The following ARL15 variants were observed in gnomAD, a reference collection of about 807,000 sequenced individuals.
The protein encoded by ARL15 is ARF like GTPase 15, also known as ADP-ribosylation factor-like protein 15.
A neutral mutation model predicts 25.2 loss-of-function variants in ARL15; 19 were observed. The observed-to-expected ratio is 0.75, with a 90% CI of 0.53 to 1.10. ARL15 has a LOEUF of 1.10. Among genes scored for constraint, ARL15 ranks in the 50% least tolerant of loss-of-function variants. The pLI is 0.00. For synonymous variants in ARL15, 94 were observed against 86.8 expected, an observed-to-expected ratio of 1.08 and a Z score of -0.46; for missense variants, 220 against 246.0, an observed-to-expected ratio of 0.89 and a Z score of 0.71.
intron 1 of ARL15, among the ~76,000 whole-genome samples, chr5:54,279,724 G>C (rs1170679982): frequency 1.3e-5 from 2 of 152,162 alleles, no homozygotes; most frequent in Non-Finnish European, 2.9e-5. Context: ...AGCAGGGACA[G>C]AGACTGAACA....
chr5:54,051,430 A>T (rs2111988538), intron 4 of ARL15, among the ~76,000 whole-genome samples: 1 of 152,340 alleles, frequency 6.6e-6, no homozygotes. Context: ...ATAGTTTAAC[A>T]TACTATTTGA....
At chr5:54,187,633 C>T (rs577943489) in intron 1 of ARL15, among the ~76,000 whole-genome samples, 2 of 152,292 alleles carry the variant, frequency 1.3e-5, no homozygotes, top group South Asian at 2.1e-4. Context: ...ATGTTTTGCC[C>T]TCTTAGTGTC....
intron 3 of ARL15, among the ~76,000 whole-genome samples, chr5:54,120,232 T>C (rs1336103425): frequency 6.6e-6 from 1 of 152,228 alleles, no homozygotes; most frequent in Non-Finnish European, 1.5e-5. Context: ...AGCAACTAAT[T>C]TTTATGTTTC....
chr5:54,071,120 T>C (rs970613564), intron 4 of ARL15, among the ~76,000 whole-genome samples: 3 of 151,536 alleles, frequency 2.0e-5, no homozygotes, highest in Non-Finnish European at 4.4e-5. Flanking sequence ...CAGTGAGCCA[T>C]GTTCGTGCCG....
rs145928359 is a variant in ARL15 at position 54,077,666 on chromosome 5, T to G, written c.462+35536A>C. On this transcript the variant is annotated intron_variant, in intron 4 of 4. Coordinates refer to ENST00000504924, the MANE Select transcript of ARL15 (RefSeq NM_019087.3). The stretch of plus-strand genomic sequence containing the variant: ...TAACATGCACACATAAAATCTGGAG[T>G]GTGTACAACAACAGCTAGCCTTAAT... Among the ~76,000 whole-genome samples the G allele has an allele frequency of 1.1e-4, 16 of 152,218 alleles. No homozygotes were observed. The East Asian group carries it at 2.9e-3, about 28-fold the overall frequency.
At position 53,986,853 on chromosome 5, in the gene ARL15, G is replaced by A. The variant is rs904911620; in HGVS notation, c.463-100140C>T. On this transcript the variant is annotated intron_variant, in intron 4 of 4. Coordinates refer to ENST00000504924, the MANE Select transcript of ARL15 (RefSeq NM_019087.3). ...TGAGAGTCTACAAGAGCAGGATTTCGGGAGCAAACAGAGGAACCGTCATAA... is the reference window on the plus strand; with the variant it reads ...TGAGAGTCTACAAGAGCAGGATTTCAGGAGCAAACAGAGGAACCGTCATAA... Among the ~76,000 whole-genome samples the A allele has an allele frequency of 1.3e-5, 2 of 152,266 alleles. 1 individual carries two copies. The highest frequency in any genetic ancestry group is 4.1e-4 in the South Asian group (2 of 4,824).
chr5:54,281,129 A>G (rs967173257), intron 1 of ARL15, among the ~76,000 whole-genome samples: 2 of 152,174 alleles, frequency 1.3e-5, no homozygotes, highest in African/African-American at 4.8e-5. Flanking sequence ...TAAAACCCAG[A>G]ATATTACTAT....
At chr5:54,136,872 T>G (rs1304179653) in intron 3 of ARL15, among the ~76,000 whole-genome samples, 3 of 150,902 alleles carry the variant, frequency 2.0e-5, no homozygotes, top group Non-Finnish European at 4.4e-5. Context: ...TGCCTGGGTT[T>G]TTTTTTTTTT....
chr5:54,034,851 C>T (rs972424233), intron 4 of ARL15, among the ~76,000 whole-genome samples: 30 of 149,958 alleles, frequency 2.0e-4, no homozygotes, highest in Admixed American at 1.8e-3. Context: ...TTTTTAGAGA[C>T]GGGGGGCGGT....
At chr5:54,220,564 A>AT (rs201991853) in intron 1 of ARL15, among the ~76,000 whole-genome samples, 2,583 of 152,272 alleles carry the variant, frequency 0.017, 20 homozygotes, top group Non-Finnish European at 0.028. Context: ...TTCTTGCTTG[A>AT]TTTTTTAAAT....
intron 4 of ARL15, among the ~76,000 whole-genome samples, chr5:53,926,042 G>C: frequency 8.3e-6 from 1 of 121,176 alleles, no homozygotes; most frequent in East Asian, 2.4e-4. Context: ...CTGAAATAAA[G>C]ACATTTTAAA....
intron 1 of ARL15, among the ~76,000 whole-genome samples, chr5:54,232,905 G>A (rs190621482): frequency 3.9e-5 from 6 of 152,264 alleles, no homozygotes; most frequent in Non-Finnish European, 1.5e-5. Context: ...TTTTCAATGT[G>A]TGCATGGACT....
chr5:54,224,922 T>G (rs1756478214), intron 1 of ARL15, among the ~76,000 whole-genome samples: 1 of 152,168 alleles, frequency 6.6e-6, no homozygotes, highest in Admixed American at 6.5e-5. Flanking sequence ...AACACAAAGG[T>G]GATTTCAACC....
At chr5:54,296,373 A>G (rs1279031477) in intron 1 of ARL15, among the ~76,000 whole-genome samples, 1 of 152,236 alleles carries the variant, frequency 6.6e-6, no homozygotes, top group Non-Finnish European at 1.5e-5. Context: ...ATTTAATACT[A>G]TCATTACACC....
chr5:54,052,172 G>A (rs180824165), intron 4 of ARL15, among the ~76,000 whole-genome samples: 32 of 152,064 alleles, frequency 2.1e-4, no homozygotes, highest in Admixed American at 1.9e-3. Flanking sequence ...TTTTTATGGA[G>A]GTGAAACTAT....
At chr5:54,114,313 A>C (rs1005036764) in intron 3 of ARL15, among the ~76,000 whole-genome samples, 1 of 148,728 alleles carries the variant, frequency 6.7e-6, no homozygotes, top group African/African-American at 2.5e-5. Context: ...CTGAGGCAGG[A>C]GGATCGCTTG....
At chr5:54,225,048 T>G (rs113496263) in intron 1 of ARL15, among the ~76,000 whole-genome samples, 10 of 152,174 alleles carry the variant, frequency 6.6e-5, no homozygotes, top group African/African-American at 2.2e-4. Flanking sequence ...AGTTCAACTA[T>G]TTTTCTCTAA....
chr5:54,201,156 T>C (rs1755712624), intron 1 of ARL15, among the ~76,000 whole-genome samples: 2 of 152,040 alleles, frequency 1.3e-5, no homozygotes, highest in South Asian at 4.1e-4. Context: ...GCGCAATATC[T>C]CCGTGGCCTT....
chr5:54,130,703 A>G (rs1237275106), intron 3 of ARL15, among the ~76,000 whole-genome samples: 1 of 152,232 alleles, frequency 6.6e-6, no homozygotes, highest in Non-Finnish European at 1.5e-5. Flanking sequence ...AACAAATACA[A>G]TGATACATAC....
Sources: gnomAD v4.1 joint callset for allele counts (sites outside exome capture counted in the v4.1 genomes callset) on GRCh38, gnomAD v4.1.1 for gene constraint, MANE v1.5 for transcripts, NCBI Gene and HGNC (gene_info 2026-07-23, HGNC 2026-07-21) for gene names.